GDPD5: variants seen among roughly 807,000 people sequenced by gnomAD.
GDPD5 encodes glycerophosphodiester phosphodiesterase 2.
Under a neutral mutation model 75.1 loss-of-function variants are expected in GDPD5, and 48 were observed. That is an observed-to-expected ratio of 0.64 (90% CI 0.51 to 0.81). The LOEUF is 0.81. Among genes scored for constraint, GDPD5 ranks in the 40% least tolerant of loss-of-function variants. The probability of loss-of-function intolerance (pLI) is 0.00; values close to 1 mark genes in which losing one functional copy is unlikely to be tolerated. For missense variants in GDPD5, 706 were observed against 822.6 expected, an observed-to-expected ratio of 0.86 and a Z score of 1.73; for synonymous variants, 336 against 339.0, an observed-to-expected ratio of 0.99 and a Z score of 0.10.
intron 1 of GDPD5, among the ~76,000 whole-genome samples, chr11:75,523,827 C>T (rs974224147): frequency 6.6e-6 from 1 of 152,252 alleles, no homozygotes; most frequent in Non-Finnish European, 1.5e-5. Flanking sequence ...ACCCTTCCAC[C>T]CCCAGGGATT....
intron 15 of GDPD5, 59 bp downstream of exon 15, chr11:75,439,820 T>G (rs1438686951): frequency 7.2e-7 from 1 of 1,380,248 alleles, no homozygotes; most frequent in Non-Finnish European, 1.0e-6. Context: ...CTGGCTGGGG[T>G]GGGGGCTGGG....
chr11:75,476,449 A>T (rs1194734406), intron 3 of GDPD5, among the ~76,000 whole-genome samples: 2 of 151,410 alleles, frequency 1.3e-5, no homozygotes, highest in African/African-American at 4.9e-5. Flanking sequence ...CAAAACCTGA[A>T]TCCATCTGAC....
chr11:75,517,122 T>C (rs1950654093), intron 1 of GDPD5, among the ~76,000 whole-genome samples: 1 of 152,040 alleles, frequency 6.6e-6, no homozygotes, highest in Non-Finnish European at 1.5e-5. Context: ...TAGGTGGAAG[T>C]TGTTGGGGGA....
At chr11:75,435,791 T>C (rs1352922017) in intron 16 of GDPD5, 136 bp from the exon 17 acceptor site, 2 of 824,664 alleles carry the variant, frequency 2.4e-6, no homozygotes, top group Non-Finnish European at 1.8e-6. Flanking sequence ...CAGGTCGACA[T>C]TGAGCCTGGC....
intron 6 of GDPD5, chr11:75,456,473 G>A (rs1949287919): frequency 2.1e-6 from 1 of 470,686 alleles, no homozygotes; most frequent in East Asian, 3.5e-5. Flanking sequence ...TTTAAACTGG[G>A]AGACCTTAGG....
chr11:75,452,120 CG>C (rs1337985330), intron 6 of GDPD5: 1 of 152,210 alleles, frequency 6.6e-6, no homozygotes, highest in African/African-American at 2.4e-5. Context: ...GCCTAGGTGC[CG>C]GGACCCGAGA....
At chr11:75,499,094 GGGTCTGCTTCTA>G (rs1288540179) in intron 1 of GDPD5, among the ~76,000 whole-genome samples, 2 of 152,022 alleles carry the variant, frequency 1.3e-5, no homozygotes, top group Admixed American at 6.6e-5. Flanking sequence ...CCTTGTCTCA[GGGTCTGCTTCTA>G]GGTCTGCTTC....
chr11:75,514,294 G>A (rs938389548), intron 1 of GDPD5, among the ~76,000 whole-genome samples: 4 of 152,230 alleles, frequency 2.6e-5, no homozygotes, highest in African/African-American at 7.2e-5. Flanking sequence ...GGGTCCCAGA[G>A]GGGGAGAAGC....
chr11:75,443,193 G>A lies in GDPD5; in HGVS notation c.891C>T (p.Ala297=), dbSNP rs1269197908. 3.1e-6 allele frequency: 5 copies of A among 1,604,588 alleles called. No individual in the cohort carries two copies. In the South Asian group the frequency reaches 5.6e-5, roughly 18 times the overall value. ...GCAGGGTGGTCCAGTTAAGCATGGA[G>A]GCAGGCCTGCGGGCCAGCTCCGGGA... ...EEFPELARRP[A]SMLNWTTLQR... is the part of the protein sequence containing the mutation. Residue 297 remains alanine, a synonymous_variant, in exon 11 of 17, where the codon GCC becomes GCT. Coordinates refer to ENST00000336898, the MANE Select transcript of GDPD5 (RefSeq NM_030792.8).
At chr11:75,446,628 AG>A (rs2135196264) in intron 9 of GDPD5, among the ~76,000 whole-genome samples, 1 of 152,370 alleles carries the variant, frequency 6.6e-6, no homozygotes, top group African/African-American at 2.4e-5. Flanking sequence ...ACATCTGCAT[AG>A]GAACAACACA....
chr11:75,463,818 G>A (rs191154490), intron 3 of GDPD5, among the ~76,000 whole-genome samples: 1 of 152,142 alleles, frequency 6.6e-6, no homozygotes, highest in East Asian at 1.9e-4. Context: ...CTCCAGCTTC[G>A]ACCTACACAA....
chr11:75,489,287 C>A (rs937704652), intron 2 of GDPD5, among the ~76,000 whole-genome samples: 14 of 152,224 alleles, frequency 9.2e-5, no homozygotes, highest in African/African-American at 2.4e-4. Context: ...GACCTCAAAT[C>A]TGGCACAGGA....
chr11:75,519,134 T>C (rs1950703233), intron 1 of GDPD5, among the ~76,000 whole-genome samples: 1 of 152,076 alleles, frequency 6.6e-6, no homozygotes, highest in Admixed American at 6.6e-5. Context: ...GATGGAGAGA[T>C]GGTGTGGGTT....
rs541932456 is a variant in GDPD5 at position 75,512,115 on chromosome 11, G to A, written c.-145+13095C>T. Among the ~76,000 whole-genome samples the A allele has an allele frequency of 2.0e-5, 3 of 152,268 alleles. No individual in the cohort carries two copies. In the South Asian group the frequency reaches 6.2e-4, roughly 32 times the overall value. ...CTCAATCAGGACAGATGGATGGATG[G>A]ATACATGGATGCATGGAAGAATGCA... On this transcript the variant is annotated intron_variant, in intron 1 of 16. Coordinates refer to ENST00000336898, the MANE Select transcript of GDPD5 (RefSeq NM_030792.8).
chr11:75,448,652 G>A, intron 9 of GDPD5: 1 of 1,074,806 alleles, frequency 9.3e-7, no homozygotes, highest in South Asian at 3.7e-5. Context: ...CCTGATGCCT[G>A]GTGGCAGACC....
At chr11:75,514,751 T>C (rs1950601747) in intron 1 of GDPD5, among the ~76,000 whole-genome samples, 1 of 152,178 alleles carries the variant, frequency 6.6e-6, no homozygotes. Context: ...AAGGCTCCAA[T>C]TGCAGCAGAG....
intron 4 of GDPD5, among the ~76,000 whole-genome samples, chr11:75,458,773 A>G (rs762330724): frequency 1.2e-4 from 18 of 152,130 alleles, no homozygotes; most frequent in Non-Finnish European, 2.4e-4. Context: ...GTAACTACTC[A>G]ATAAACTCTC....
chr11:75,448,054 C>A (rs1036838145), intron 9 of GDPD5, among the ~76,000 whole-genome samples: 1 of 152,168 alleles, frequency 6.6e-6, no homozygotes, highest in South Asian at 2.1e-4. Flanking sequence ...AGACCCAGCA[C>A]CTCCTTCCAA....
At chr11:75,482,615 C>A (rs1447335958) in intron 2 of GDPD5, among the ~76,000 whole-genome samples, 1 of 152,214 alleles carries the variant, frequency 6.6e-6, no homozygotes, top group African/African-American at 2.4e-5. Context: ...CCCATCCCTC[C>A]AATCCAAACT....
Sources: gnomAD v4.1 joint callset for allele counts (sites outside exome capture counted in the v4.1 genomes callset) on GRCh38, gnomAD v4.1.1 for gene constraint, MANE v1.5 for transcripts, NCBI Gene and HGNC (gene_info 2026-07-23, HGNC 2026-07-21) for gene names.